EARS2: variants seen among roughly 807,000 people sequenced by gnomAD.
EARS2 encodes the protein glutamyl-tRNA synthetase 2, mitochondrial, also known as nondiscriminating glutamyl-tRNA synthetase EARS2, mitochondrial.
EARS2 carries 50 observed loss-of-function variants against 54.1 expected under a neutral mutation model. The ratio of observed to expected loss-of-function variants is 0.92; its 90% CI spans 0.74 to 1.17. EARS2 has a LOEUF of 1.17. Ranked by LOEUF, EARS2 falls within the 50% of genes most tolerant of loss-of-function variation. The pLI, the probability that EARS2 is intolerant of heterozygous loss-of-function variation, is 0.00. For synonymous variants in EARS2, 298 were observed against 281.0 expected (o/e 1.06, Z -0.61); for missense variants, 673 against 675.0 (o/e 1.00, Z 0.03).
intron 1 of EARS2, chr16:23,556,874 A>G: frequency 1.7e-6 from 1 of 576,050 alleles, no homozygotes; most frequent in Non-Finnish European, 3.3e-6. Flanking sequence ...AGACTTCCAC[A>G]GAGCAAGGCC....
chr16:23,542,316 CTT>C (rs745418385), intron 3 of EARS2, among the ~76,000 whole-genome samples: 13 of 93,704 alleles, frequency 1.4e-4, no homozygotes, highest in African/African-American at 2.8e-4. Flanking sequence ...TTTCATTTTT[CTT>C]TTTTTTTTTT....
At chr16:23,548,285 A>G (rs1003200789) in intron 2 of EARS2, among the ~76,000 whole-genome samples, 32 of 150,534 alleles carry the variant, frequency 2.1e-4, no homozygotes, top group Admixed American at 6.6e-4. Flanking sequence ...AATGAAAAAA[A>G]TTAAAAAAGA....
chr16:23,553,419 A>G (rs1965728157), intron 1 of EARS2, among the ~76,000 whole-genome samples: 1 of 152,146 alleles, frequency 6.6e-6, no homozygotes, highest in African/African-American at 2.4e-5. Context: ...GTGCGCTGGG[A>G]AAAAAATTAA....
At chr16:23,525,993 G>A (rs1187817438) in intron 7 of EARS2, among the ~76,000 whole-genome samples, 1 of 66,392 alleles carries the variant, frequency 1.5e-5, no homozygotes, top group Non-Finnish European at 3.2e-5. Flanking sequence ...GCGAGACTTT[G>A]TTTCAAAATA....
intron 7 of EARS2, 122 bp downstream of exon 7, chr16:23,529,379 CT>C: frequency 7.7e-7 from 1 of 1,304,328 alleles, no homozygotes; most frequent in Non-Finnish European, 1.0e-6. Flanking sequence ...TGAAGGGTCA[CT>C]TCTTCACTGG....
intron 4 of EARS2, among the ~76,000 whole-genome samples, chr16:23,533,270 C>T (rs548383427): frequency 4.6e-5 from 7 of 152,164 alleles, no homozygotes; most frequent in African/African-American, 7.2e-5. Context: ...GGCAACAGAG[C>T]GAGACTCTAT....
chr16:23,534,856 C>G, intron 4 of EARS2, 32 bp downstream of exon 4: 1 of 1,520,076 alleles, frequency 6.6e-7, no homozygotes. Flanking sequence ...GCCATGCTCT[C>G]TGCTGCCAGG....
chr16:23,549,736 G>A (rs1404786574), intron 2 of EARS2, among the ~76,000 whole-genome samples: 2 of 152,206 alleles, frequency 1.3e-5, no homozygotes, highest in East Asian at 3.9e-4. Context: ...GATTCCAGGC[G>A]TGTACCCCTG....
intron 7 of EARS2, among the ~76,000 whole-genome samples, chr16:23,526,960 ATAAT>A (rs930022733): frequency 2.2e-5 from 2 of 90,476 alleles, no homozygotes; most frequent in African/African-American, 7.1e-5. Flanking sequence ...GTTTTTAAAA[ATAAT>A]TAATTATTTT....
chr16:23,551,463 A>C (rs1480813083), intron 2 of EARS2, among the ~76,000 whole-genome samples: 2 of 152,072 alleles, frequency 1.3e-5, no homozygotes, highest in African/African-American at 4.8e-5. Flanking sequence ...AAAAAAATTA[A>C]AAATTAGCCA....
rs930207420 is a variant in EARS2 at position 23,531,016 on chromosome 16, T to C, written c.1068-1119A>G. The stretch of plus-strand genomic sequence containing the variant: ...AAGTGATTCTCCTGTCTCAGCCTCC[T>C]GAGTAGCTGAGACTACAGGCGCCCG... On this transcript the variant is annotated intron_variant, in intron 5 of 8. Transcript: ENST00000449606. Among the ~76,000 whole-genome samples, 61 of 151,724 alleles carry C rather than the reference T, an allele frequency of 4.0e-4. 1 individual carries two copies. The highest frequency in any genetic ancestry group is 1.3e-3 in the African/African-American group (54 of 41,310).
At chr16:23,527,571 T>A (rs1208541134) in intron 7 of EARS2, among the ~76,000 whole-genome samples, 1 of 91,266 alleles carries the variant, frequency 1.1e-5, no homozygotes, top group Non-Finnish European at 2.4e-5. Context: ...TTTTTTTTTT[T>A]GAGACAGAGT....
rs1965147567 is a variant in EARS2 at position 23,521,971 on chromosome 16, C to T, written c.*2400G>A. On this transcript the variant is annotated 3_prime_UTR_variant, in exon 9 of 9. Coordinates refer to ENST00000449606, the MANE Select transcript of EARS2 (RefSeq NM_001083614.2). ...AGTTTTAGTTAACTTTTCAGAACCTCGGTTTCCATATCTGTAACAGAAAAA... is the reference window on the plus strand; with the variant it reads ...AGTTTTAGTTAACTTTTCAGAACCTTGGTTTCCATATCTGTAACAGAAAAA... 4 of 366,850 alleles carry T rather than the reference C, an allele frequency of 1.1e-5. No individual in the cohort carries two copies. In the East Asian group the frequency reaches 2.2e-4, roughly 20 times the overall value. The allele number at this position is 366,850 out of a possible 1,614,324, so 22.7% of individuals were successfully genotyped here. A position where few individuals can be genotyped will look rare whatever the true frequency, so the allele number is the denominator to read the frequency against.
chr16:23,544,429 A>C, intron 3 of EARS2, 85 bp downstream of exon 3: 2 of 1,340,874 alleles, frequency 1.5e-6, no homozygotes, highest in South Asian at 2.8e-5. Context: ...GAGGTAATAC[A>C]TGTTTAGGGG....
chr16:23,529,130 G>T (rs990434304), intron 7 of EARS2, among the ~76,000 whole-genome samples: 21 of 152,214 alleles, frequency 1.4e-4, no homozygotes, highest in African/African-American at 3.9e-4. Flanking sequence ...GTTTGTAATT[G>T]AAAGTTATTA....
chr16:23,548,287 TAAAA>T (rs1207495579), intron 2 of EARS2, among the ~76,000 whole-genome samples: 9 of 148,210 alleles, frequency 6.1e-5, no homozygotes, highest in Non-Finnish European at 1.4e-4. Context: ...TGAAAAAAAT[TAAAA>T]AAGAAAGAAT....
chr16:23,529,451 G>T (rs766180648), intron 7 of EARS2, 51 bp downstream of exon 7: 1 of 1,590,642 alleles, frequency 6.3e-7, no homozygotes, highest in Non-Finnish European at 8.6e-7. Context: ...CCATGGGACA[G>T]AGAGAGGGAA....
At chr16:23,541,033 G>C (rs1201402821) in intron 3 of EARS2, among the ~76,000 whole-genome samples, 1 of 151,414 alleles carries the variant, frequency 6.6e-6, no homozygotes, top group Non-Finnish European at 1.5e-5. Context: ...GGTTTATTAA[G>C]GCCGAGTGTC....
intron 4 of EARS2, among the ~76,000 whole-genome samples, chr16:23,534,544 A>C (rs1426747873): frequency 2.0e-5 from 3 of 152,158 alleles, no homozygotes; most frequent in Non-Finnish European, 2.9e-5. Flanking sequence ...TTGTGCTTAC[A>C]GTGTGACAGG....
Sources: allele counts gnomAD v4.1 joint callset (sites outside exome capture counted in the v4.1 genomes callset), GRCh38; gene constraint gnomAD v4.1.1; transcripts MANE v1.5; gene names NCBI Gene and HGNC (gene_info 2026-07-23, HGNC 2026-07-21).